Variants in SLIT2 observed in about 807,000 individuals in gnomAD.
The protein encoded by SLIT2 is slit guidance ligand 2, also known as slit homolog 2 protein.
In SLIT2, 41 loss-of-function variants were observed where a neutral mutation model predicts 185.7. The observed-to-expected ratio is 0.22, with a 90% confidence interval of 0.17 to 0.29. The LOEUF is 0.29. Among genes scored for constraint, SLIT2 ranks in the 10% least tolerant of loss-of-function variants. The pLI is 1.00. For synonymous variants in SLIT2, 693 were observed against 680.2 expected, an observed-to-expected ratio of 1.02 and a Z score of -0.29; for missense variants, 1,571 against 1,909.0, an observed-to-expected ratio of 0.82 and a Z score of 3.30.
chr4:20,291,472 ATATATATATATATATATATATTTT>A lies in SLIT2; in HGVS notation c.395+22593_395+22616del, dbSNP rs1327027897. Among the ~76,000 whole-genome samples, 3 of 17,702 alleles carry A rather than the reference ATATATATATATATATATATATTTT, an allele frequency of 1.7e-4. No individual in the cohort carries two copies. The Admixed American group carries it at 2.2e-3, about 13-fold the overall frequency. 11.6% of individuals were successfully genotyped at this position (17,702 alleles called of 152,430 possible). ...CATATATATATATATATATATATATATATATATATATATATATATATTTTTTTTTTTTTTTTTTTTTTTTTTTTT... is the reference window on the plus strand; with the variant it reads ...CATATATATATATATATATATATATATTTTTTTTTTTTTTTTTTTTTTTTT... On this transcript the variant is annotated intron_variant, in intron 4 of 36. Coordinates refer to ENST00000504154, the MANE Select transcript of SLIT2 (RefSeq NM_004787.4).
At position 20,359,051 on chromosome 4, in the gene SLIT2, A is replaced by G. The variant is rs1207208499; in HGVS notation, c.395+90170A>G. On this transcript the variant is annotated intron_variant, in intron 4 of 36. Transcript: ENST00000504154. ...GAGAATCGTTTCTTGCCAAGCCCACAGTAAGAGTTCTAAATATAAGTTAAA... is the reference window on the plus strand; with the variant it reads ...GAGAATCGTTTCTTGCCAAGCCCACGGTAAGAGTTCTAAATATAAGTTAAA... Among the ~76,000 whole-genome samples, 9 of 152,294 alleles carry G rather than the reference A, an allele frequency of 5.9e-5. No homozygotes were observed. In the South Asian group the frequency reaches 1.9e-3, roughly 32 times the overall value.
chr4:20,255,268 C>T (rs1577327363), intron 1 of SLIT2, among the ~76,000 whole-genome samples: 1 of 152,230 alleles, frequency 6.6e-6, no homozygotes, highest in East Asian at 1.9e-4. Flanking sequence ...CTTCAAGTCG[C>T]CCTTCTTATC....
chr4:20,442,290 C>T (rs577419602), intron 4 of SLIT2, among the ~76,000 whole-genome samples: 1 of 152,124 alleles, frequency 6.6e-6, no homozygotes, highest in African/African-American at 2.4e-5. Flanking sequence ...AAGGCCGAGG[C>T]GGGCGGATCA....
chr4:20,617,086 G>T lies in SLIT2; in HGVS notation c.4024G>T (p.Ala1342Ser). The T allele has an allele frequency of 6.2e-7, 1 of 1,613,980 alleles. No individual in the cohort carries two copies. The highest frequency in any genetic ancestry group is 8.5e-7 in the Non-Finnish European group (1 of 1,179,804). Residue 1342 changes from alanine to serine, a missense_variant, in exon 35 of 37, where the codon GCC (alanine) becomes TCC (serine). Ala to Ser is a moderately conservative substitution (Grantham distance 99). Transcript: ENST00000504154. Reference sequence around the variant, plus strand: ...TGAGCCATGCCACAAGAAGGTGTGTGCCCATGGCACATGCCAGCCCAGCAG... The same window carrying T: ...TGAGCCATGCCACAAGAAGGTGTGTTCCCATGGCACATGCCAGCCCAGCAG... ...GCEPCHKKVC[A>S]HGTCQPSSQA...
intron 4 of SLIT2, among the ~76,000 whole-genome samples, chr4:20,442,434 G>C (rs1017434354): frequency 4.0e-5 from 6 of 149,756 alleles, no homozygotes; most frequent in African/African-American, 1.2e-4. Flanking sequence ...TGAGGCGGGA[G>C]AATGGTGTGA....
intron 20 of SLIT2, among the ~76,000 whole-genome samples, chr4:20,541,901 C>T (rs1480924832): frequency 1.3e-5 from 2 of 152,006 alleles, no homozygotes; most frequent in Non-Finnish European, 2.9e-5. Flanking sequence ...TCTTTATTAC[C>T]CTAGGCATGT....
Position 20,387,740 on chromosome 4 carries a change from C to T in SLIT2, c.396-80012C>T, listed in dbSNP as rs116128605. Among the ~76,000 whole-genome samples the T allele has an allele frequency of 1.7e-3, 255 of 152,216 alleles. 2 individuals are homozygous for T. The highest frequency in any genetic ancestry group is 6.0e-3 in the African/African-American group (249 of 41,548). Reference sequence around the variant, plus strand: ...GAGGGTGGCCACCAGCCGACAGCAGCAAGACAATGAAGACCTCCATCCTAG... The same window carrying T: ...GAGGGTGGCCACCAGCCGACAGCAGTAAGACAATGAAGACCTCCATCCTAG... On this transcript the variant is annotated intron_variant, in intron 4 of 36. Transcript: ENST00000504154.
At position 20,389,744 on chromosome 4, in the gene SLIT2, G is replaced by A. The variant is rs377561587; in HGVS notation, c.396-78008G>A. 1.8e-4 allele frequency among the ~76,000 whole-genome samples: 27 copies of A among 152,218 alleles called. No homozygotes were observed. In the East Asian group the frequency reaches 2.9e-3, roughly 16 times the overall value. ...AATGAGGAGCAGATGTGAAGAGGAGGTACAGATGAGAGTTTATTCTAGTAG... is the reference window on the plus strand; with the variant it reads ...AATGAGGAGCAGATGTGAAGAGGAGATACAGATGAGAGTTTATTCTAGTAG... On this transcript the variant is annotated intron_variant, in intron 4 of 36. Coordinates refer to ENST00000504154, the MANE Select transcript of SLIT2 (RefSeq NM_004787.4).
At chr4:20,590,878 G>T (rs1453921122) in intron 30 of SLIT2, among the ~76,000 whole-genome samples, 6 of 152,154 alleles carry the variant, frequency 3.9e-5, no homozygotes, top group African/African-American at 1.4e-4. Flanking sequence ...CAGAGCTAGA[G>T]CTAGGATTTA....
intron 4 of SLIT2, chr4:20,392,129 A>G (rs1725474685): frequency 6.6e-6 from 1 of 151,994 alleles, no homozygotes; most frequent in Non-Finnish European, 1.5e-5. Flanking sequence ...GTGACATCAT[A>G]GAGGGTACTT....
At chr4:20,503,436 GAA>G (rs1718913534) in intron 9 of SLIT2, among the ~76,000 whole-genome samples, 2 of 152,064 alleles carry the variant, frequency 1.3e-5, no homozygotes, top group Admixed American at 6.6e-5. Context: ...TTATTAATGA[GAA>G]ATAAAACAAC....
chr4:20,415,410 CA>C (rs371123614), intron 4 of SLIT2, among the ~76,000 whole-genome samples: 543 of 65,414 alleles, frequency 8.3e-3, no homozygotes, highest in African/African-American at 0.017. Flanking sequence ...GACTCCGTCT[CA>C]AAAAAAAAAA....
At chr4:20,578,070 C>A (rs1424831371) in intron 29 of SLIT2, among the ~76,000 whole-genome samples, 2 of 152,230 alleles carry the variant, frequency 1.3e-5, no homozygotes, top group Non-Finnish European at 2.9e-5. Context: ...AATCTGCTAT[C>A]AGTTTTTTAA....
intron 4 of SLIT2, among the ~76,000 whole-genome samples, chr4:20,319,545 G>T (rs1283530761): frequency 2.6e-5 from 4 of 152,170 alleles, no homozygotes; most frequent in South Asian, 2.1e-4. Context: ...AATAGCACTT[G>T]TTTCTTGCTT....
chr4:20,305,372 C>G (rs191719784), intron 4 of SLIT2, among the ~76,000 whole-genome samples: 6 of 152,266 alleles, frequency 3.9e-5, no homozygotes, highest in Admixed American at 3.9e-4. Flanking sequence ...TGTGAAAAAA[C>G]TGAAATTAAT....
At chr4:20,348,778 A>G (rs1169778497) in intron 4 of SLIT2, among the ~76,000 whole-genome samples, 1 of 152,130 alleles carries the variant, frequency 6.6e-6, no homozygotes, top group Non-Finnish European at 1.5e-5. Context: ...TTTCATTCTG[A>G]TTTCACACAG....
intron 4 of SLIT2, among the ~76,000 whole-genome samples, chr4:20,318,642 T>C (rs1402307924): frequency 6.6e-6 from 1 of 152,028 alleles, no homozygotes; most frequent in Non-Finnish European, 1.5e-5. Flanking sequence ...GAGTCATTTT[T>C]TTTTCCTTCT....
chr4:20,422,695 G>A lies in SLIT2; in HGVS notation c.396-45057G>A, dbSNP rs1728255160. On this transcript the variant is annotated intron_variant, in intron 4 of 36. Coordinates refer to ENST00000504154, the MANE Select transcript of SLIT2 (RefSeq NM_004787.4). ...TGAGAAGACATTTGCACAGTGGCCT[G>A]AATGAGATGGAGCCAGACTGCCATA... 2.0e-5 allele frequency among the ~76,000 whole-genome samples: 3 copies of A among 152,112 alleles called. No individual in the cohort carries two copies. In the East Asian group the frequency reaches 5.8e-4, roughly 29 times the overall value.
chr4:20,268,903 T>C (rs749534301), intron 4 of SLIT2, 22 bp downstream of exon 4: 9 of 1,436,014 alleles, frequency 6.3e-6, no homozygotes, highest in South Asian at 5.7e-5. Flanking sequence ...CAAATAGTTA[T>C]TGTTGCTTTG....
Sources: gnomAD v4.1 joint callset for allele counts (sites outside exome capture counted in the v4.1 genomes callset) on GRCh38, gnomAD v4.1.1 for gene constraint, MANE v1.5 for transcripts, NCBI Gene and HGNC (gene_info 2026-07-23, HGNC 2026-07-21) for gene names.